The following UCHL3 variants were observed in gnomAD, a reference collection of about 807,000 sequenced individuals.
UCHL3 encodes the protein ubiquitin carboxyl-terminal hydrolase isozyme L3.
A neutral mutation model predicts 35.8 loss-of-function variants in UCHL3; 22 were observed. That is an observed-to-expected ratio of 0.61 (90% CI 0.44 to 0.88). UCHL3 has a LOEUF of 0.88. Ranked by LOEUF, UCHL3 falls within the 40% of genes least tolerant of loss-of-function variation. The probability of loss-of-function intolerance (pLI) is 0.00; values close to 1 mark genes in which losing one functional copy is unlikely to be tolerated. For missense variants in UCHL3, 229 were observed against 276.9 expected (o/e 0.83, Z 1.23); for synonymous variants, 90 against 92.8 (o/e 0.97, Z 0.17).
chr13:75,588,971 G>T (rs1367013783), intron 6 of UCHL3, among the ~76,000 whole-genome samples: 1 of 151,990 alleles, frequency 6.6e-6, no homozygotes, highest in African/African-American at 2.4e-5. Context: ...AAAACTCTTG[G>T]CTAGATTTTC....
rs1197268713 is a variant in UCHL3 at position 75,598,337 on chromosome 13, T to A, written c.550+3347T>A. ...CAAAACAAGTGGATACTCTCCTACATAACTATAGTATGAATATCAAAATCA... is the reference window on the plus strand; with the variant it reads ...CAAAACAAGTGGATACTCTCCTACAAAACTATAGTATGAATATCAAAATCA... On this transcript the variant is annotated intron_variant, in intron 7 of 8. Coordinates refer to ENST00000377595, the MANE Select transcript of UCHL3 (RefSeq NM_006002.5). Among the ~76,000 whole-genome samples, 3 of 152,338 alleles carry A rather than the reference T, an allele frequency of 2.0e-5. No homozygotes were observed. In the East Asian group the frequency reaches 5.8e-4, roughly 29 times the overall value.
chr13:75,576,055 A>G (rs1463626963), intron 6 of UCHL3, among the ~76,000 whole-genome samples: 1 of 152,124 alleles, frequency 6.6e-6, no homozygotes, highest in Non-Finnish European at 1.5e-5. Context: ...CCAGCCAAAC[A>G]CTTTCAATAA....
intron 2 of UCHL3, among the ~76,000 whole-genome samples, chr13:75,553,192 A>G (rs1002440997): frequency 1.3e-5 from 2 of 152,188 alleles, no homozygotes; most frequent in African/African-American, 4.8e-5. Context: ...AATCTTTGTT[A>G]TCCTGTCCTC....
At chr13:75,605,706 A>C in intron 8 of UCHL3, 23 bp from the exon 9 acceptor site, 2 of 1,607,508 alleles carry the variant, frequency 1.2e-6, no homozygotes, top group African/African-American at 1.3e-5. Context: ...CTGAAAAATC[A>C]TACTTTTTTT....
chr13:75,565,719 C>G (rs1431024743), intron 3 of UCHL3, among the ~76,000 whole-genome samples: 1 of 152,178 alleles, frequency 6.6e-6, no homozygotes, highest in African/African-American at 2.4e-5. Flanking sequence ...TGACCCCGCT[C>G]TATTGGAAGC....
At chr13:75,573,648 A>T (rs1255282322) in intron 6 of UCHL3, among the ~76,000 whole-genome samples, 1 of 152,118 alleles carries the variant, frequency 6.6e-6, no homozygotes, top group Non-Finnish European at 1.5e-5. Flanking sequence ...AGATCAATTG[A>T]TCTGATGTCT....
chr13:75,593,948 T>C (rs1387005948), intron 6 of UCHL3, among the ~76,000 whole-genome samples: 1 of 152,236 alleles, frequency 6.6e-6, no homozygotes, highest in African/African-American at 2.4e-5. Context: ...TATTAAGTAA[T>C]CTGAGATATA....
At chr13:75,576,473 G>T (rs1258029293) in intron 6 of UCHL3, among the ~76,000 whole-genome samples, 1 of 151,084 alleles carries the variant, frequency 6.6e-6, no homozygotes, top group East Asian at 2.0e-4. Flanking sequence ...TCGTGCCTCA[G>T]CCTCCCAAGT....
chr13:75,592,440 A>G (rs866030995), intron 6 of UCHL3, among the ~76,000 whole-genome samples: 19 of 108,974 alleles, frequency 1.7e-4, no homozygotes, highest in Admixed American at 2.9e-4. Context: ...ATATATATAT[A>G]TATATATATA....
At chr13:75,599,089 C>G (rs2032715241) in intron 7 of UCHL3, among the ~76,000 whole-genome samples, 1 of 151,908 alleles carries the variant, frequency 6.6e-6, no homozygotes, top group African/African-American at 2.4e-5. Context: ...TTGTCACAGC[C>G]TCCTGAGTAG....
chr13:75,569,572 A>T, intron 6 of UCHL3, 65 bp downstream of exon 6: 1 of 1,433,264 alleles, frequency 7.0e-7, no homozygotes, highest in Non-Finnish European at 9.6e-7. Context: ...CTTGCTGTAA[A>T]TTTAACCATA....
chr13:75,563,639 C>A (rs1471760253), intron 3 of UCHL3, among the ~76,000 whole-genome samples: 1 of 152,096 alleles, frequency 6.6e-6, no homozygotes, highest in Non-Finnish European at 1.5e-5. Flanking sequence ...CAGCTAAAAT[C>A]TTATTTAACA....
chr13:75,590,083 G>C (rs764553436), intron 6 of UCHL3: 1 of 1,304,196 alleles, frequency 7.7e-7, no homozygotes, highest in South Asian at 1.2e-5. Flanking sequence ...CGTCTTCGTC[G>C]CTGGCGACCC....
intron 6 of UCHL3, among the ~76,000 whole-genome samples, chr13:75,587,957 C>T (rs1566225325): frequency 6.6e-6 from 1 of 152,124 alleles, no homozygotes; most frequent in Non-Finnish European, 1.5e-5. Flanking sequence ...CTAGCTCTGT[C>T]TGTTGCTCTC....
chr13:75,549,771 C>T, upstream of UCHL3: 3 of 1,053,836 alleles, frequency 2.8e-6, no homozygotes, highest in South Asian at 2.0e-5. Context: ...GAAGCGGCGG[C>T]GGCGGCGAAG....
At chr13:75,592,163 C>T (rs888238309) in intron 6 of UCHL3, among the ~76,000 whole-genome samples, 31 of 151,076 alleles carry the variant, frequency 2.1e-4, no homozygotes, top group Non-Finnish European at 7.4e-5. Flanking sequence ...TAATTTATAT[C>T]TAATTGATTT....
At chr13:75,572,546 A>G (rs1057444427) in intron 6 of UCHL3, among the ~76,000 whole-genome samples, 4 of 152,162 alleles carry the variant, frequency 2.6e-5, no homozygotes, top group Non-Finnish European at 5.9e-5. Flanking sequence ...TAGCATTGGC[A>G]TCTGATTCAT....
intron 6 of UCHL3, among the ~76,000 whole-genome samples, chr13:75,586,085 G>C (rs1048606085): frequency 6.6e-6 from 1 of 151,888 alleles, no homozygotes; most frequent in Admixed American, 6.6e-5. Flanking sequence ...GATCAGTTTA[G>C]TAAAAAAGCA....
intron 8 of UCHL3, 112 bp from the exon 9 acceptor site, chr13:75,605,617 A>G (rs1302740884): frequency 9.7e-7 from 1 of 1,036,008 alleles, no homozygotes; most frequent in Non-Finnish European, 1.4e-6. Context: ...TCATTTGGAA[A>G]AGGAAGTTTG....
Sources: allele counts gnomAD v4.1 joint callset (sites outside exome capture counted in the v4.1 genomes callset), GRCh38; gene constraint gnomAD v4.1.1; transcripts MANE v1.5; gene names NCBI Gene and HGNC (gene_info 2026-07-23, HGNC 2026-07-21).